Variants in SUSD6 observed in about 807,000 individuals in gnomAD.
SUSD6 encodes the protein sushi domain containing 6.
Under a neutral mutation model 28.4 loss-of-function variants are expected in SUSD6, and 16 were observed. The ratio of observed to expected loss-of-function variants is 0.56; its 90% CI spans 0.38 to 0.86. The LOEUF is 0.86. SUSD6 is among the 40% of genes least tolerant of loss of function. SUSD6 has a pLI of 0.00. For synonymous variants in SUSD6, 147 were observed against 159.6 expected (o/e 0.92, Z 0.59); for missense variants, 341 against 384.2 (o/e 0.89, Z 0.94).
intron 2 of SUSD6, among the ~76,000 whole-genome samples, chr14:69,672,629 G>A (rs554679505): frequency 1.8e-4 from 28 of 152,360 alleles, no homozygotes; most frequent in African/African-American, 6.7e-4. Flanking sequence ...CCCCTCTGAT[G>A]TGTACCAGGA....
chr14:69,649,875 A>C (rs1053881246), intron 1 of SUSD6, among the ~76,000 whole-genome samples: 1 of 152,204 alleles, frequency 6.6e-6, no homozygotes, highest in Admixed American at 6.5e-5. Context: ...CCTATTAGGG[A>C]AGCAGGAGGA....
rs1375460334 is a variant in SUSD6, at chr14:69,703,561, A to G, written c.288A>G (p.Pro96=). Residue 96 remains proline, a synonymous_variant, in exon 3 of 6, where the codon CCA becomes CCG. Coordinates refer to ENST00000342745, the MANE Select transcript of SUSD6 (RefSeq NM_014734.4). ...CGTGTAAGAATGGCGAGTGGAAACC[A>G]GCCATGGAGATTAGCTGCCGTCTCA... ...YLTCKNGEWK[P]AMEISCRLNE... is the part of the protein sequence containing the mutation. The G allele has an allele frequency of 6.2e-7, 1 of 1,614,220 alleles. No homozygotes were observed. Among genetic ancestry groups the G allele is most frequent in the Non-Finnish European group, 8.5e-7 (1 of 1,180,026 alleles).
chr14:69,624,283 G>A (rs986562119), intron 1 of SUSD6, among the ~76,000 whole-genome samples: 9 of 152,324 alleles, frequency 5.9e-5, no homozygotes, highest in Admixed American at 5.2e-4. Flanking sequence ...AGTAGGCTAT[G>A]CCATTTAGGT....
chr14:69,675,702 C>T (rs373390498), intron 2 of SUSD6, among the ~76,000 whole-genome samples: 17 of 152,304 alleles, frequency 1.1e-4, no homozygotes, highest in Middle Eastern at 3.4e-3. Context: ...GTTGTCCTCA[C>T]GGTAAACCAT....
intron 4 of SUSD6, among the ~76,000 whole-genome samples, chr14:69,707,726 AACAGAGTAAGAC>A (rs1886405432): frequency 6.6e-6 from 1 of 152,254 alleles, no homozygotes; most frequent in Admixed American, 6.5e-5. Flanking sequence ...CAGCCTGGGC[AACAGAGTAAGAC>A]CCTTTCTCAA....
chr14:69,637,603 CATT>C (rs1885284135), intron 1 of SUSD6, among the ~76,000 whole-genome samples: 1 of 152,142 alleles, frequency 6.6e-6, no homozygotes, highest in Non-Finnish European at 1.5e-5. Flanking sequence ...AAGTGTGTCT[CATT>C]GTGGCAAAGC....
intron 2 of SUSD6, among the ~76,000 whole-genome samples, chr14:69,697,466 A>G (rs1441572482): frequency 6.6e-6 from 1 of 152,156 alleles, no homozygotes; most frequent in Non-Finnish European, 1.5e-5. Context: ...GACTACTATG[A>G]GAAAAAGAAT....
intron 1 of SUSD6, among the ~76,000 whole-genome samples, chr14:69,648,052 C>T (rs1885453563): frequency 6.6e-6 from 1 of 152,062 alleles, no homozygotes; most frequent in Non-Finnish European, 1.5e-5. Context: ...TCGTCTGGTC[C>T]AGCCCTGCAT....
chr14:69,612,634 TAA>T (rs1408581574), intron 1 of SUSD6, among the ~76,000 whole-genome samples: 1 of 152,030 alleles, frequency 6.6e-6, no homozygotes, highest in African/African-American at 2.4e-5. Flanking sequence ...GGCGTCAAAA[TAA>T]AGTCTTGGGC....
Position 69,611,605 on chromosome 14 carries a change from G to A in SUSD6, c.-304G>A, listed in dbSNP as rs1369229724. The A allele has an allele frequency of 6.6e-6, 1 of 151,058 alleles. No homozygotes were observed. Among genetic ancestry groups the A allele is most frequent in the Admixed American group, 6.6e-5 (1 of 15,188 alleles). 9.4% of individuals were successfully genotyped at this position (151,058 alleles called of 1,614,324 possible). ...GCGGTACAGCTGGGTCAGTGACGCG[G>A]GCGCTGCAGCCGTCGCTACCGCCGC... On this transcript the variant is annotated 5_prime_UTR_variant, in exon 1 of 6. Coordinates refer to ENST00000342745, the MANE Select transcript of SUSD6 (RefSeq NM_014734.4).
Position 69,616,413 on chromosome 14 carries a change from C to G in SUSD6, c.-81+4585C>G, listed in dbSNP as rs191100485. On this transcript the variant is annotated intron_variant, in intron 1 of 5. Transcript: ENST00000342745. The stretch of plus-strand genomic sequence containing the variant: ...CTGTCCTTGCTGAAATTTTCTTTGA[C>G]TAGACTAGGCTTCAGCTTCTGACAA... 2.2e-3 allele frequency among the ~76,000 whole-genome samples: 338 copies of G among 152,308 alleles called. 1 individual carries two copies. The highest frequency in any genetic ancestry group is 7.7e-3 in the African/African-American group (322 of 41,572).
At chr14:69,635,727 C>T (rs990212034) in intron 1 of SUSD6, among the ~76,000 whole-genome samples, 9 of 152,102 alleles carry the variant, frequency 5.9e-5, no homozygotes, top group African/African-American at 1.9e-4. Flanking sequence ...CTTTGTTGTA[C>T]GAGACCAAAC....
intron 1 of SUSD6, among the ~76,000 whole-genome samples, chr14:69,632,388 A>G (rs1885207430): frequency 6.6e-6 from 1 of 152,150 alleles, no homozygotes; most frequent in Non-Finnish European, 1.5e-5. Context: ...CAGTAAATGC[A>G]GCTGGGGAGG....
chr14:69,632,905 C>A (rs927211571), intron 1 of SUSD6, among the ~76,000 whole-genome samples: 1 of 152,162 alleles, frequency 6.6e-6, no homozygotes, highest in Admixed American at 6.5e-5. Flanking sequence ...TTCACAGGTT[C>A]CTATCTCCAC....
At chr14:69,706,925 G>A (rs1886395318) in intron 4 of SUSD6, among the ~76,000 whole-genome samples, 1 of 151,978 alleles carries the variant, frequency 6.6e-6, no homozygotes, top group African/African-American at 2.4e-5. Context: ...GCATCACCTA[G>A]GATTGGCCTG....
In SUSD6 at chr14:69,712,901, A is replaced by G. The variant is rs1478886970; in HGVS notation, c.*1922A>G. On this transcript the variant is annotated 3_prime_UTR_variant, in exon 6 of 6. Coordinates refer to ENST00000342745, the MANE Select transcript of SUSD6 (RefSeq NM_014734.4). Reference sequence around the variant, plus strand: ...GCTGGTTGGAGAAGGTGCTAGAACTAGAAGGCAGATGAGACTAGCATGGGC... The same window carrying G: ...GCTGGTTGGAGAAGGTGCTAGAACTGGAAGGCAGATGAGACTAGCATGGGC... The G allele has an allele frequency of 1.3e-5, 2 of 152,454 alleles. No individual in the cohort carries two copies. The highest frequency in any genetic ancestry group is 2.9e-5 in the Non-Finnish European group (2 of 68,280). 9.4% of individuals were successfully genotyped at this position (152,454 alleles called of 1,614,324 possible).
intron 1 of SUSD6, among the ~76,000 whole-genome samples, chr14:69,622,463 G>C (rs1241372109): frequency 6.6e-6 from 1 of 151,960 alleles, no homozygotes; most frequent in African/African-American, 2.4e-5. Context: ...CTACCACCCC[G>C]GCCCAGTGTT....
chr14:69,709,213 A>G (rs1297771711), intron 5 of SUSD6, 109 bp downstream of exon 5: 15 of 1,029,178 alleles, frequency 1.5e-5, no homozygotes, highest in Non-Finnish European at 2.1e-5. Flanking sequence ...AGCAAAAAAA[A>G]GATAGTACCT....
chr14:69,704,831 C>A, intron 4 of SUSD6, 89 bp downstream of exon 4: 2 of 1,433,462 alleles, frequency 1.4e-6, no homozygotes, highest in Non-Finnish European at 1.9e-6. Context: ...CTGGTGGCCC[C>A]AATCTCTGTG....
Sources: gnomAD v4.1 joint callset for allele counts (sites outside exome capture counted in the v4.1 genomes callset) on GRCh38, gnomAD v4.1.1 for gene constraint, MANE v1.5 for transcripts, NCBI Gene and HGNC (gene_info 2026-07-23, HGNC 2026-07-21) for gene names.